The following INSR variants were observed in gnomAD, a reference collection of about 807,000 sequenced individuals.
INSR encodes the protein IR.
Under a neutral mutation model 142.6 loss-of-function variants are expected in INSR, and 67 were observed. The ratio of observed to expected loss-of-function variants is 0.47; its 90% CI spans 0.39 to 0.58. INSR has a LOEUF of 0.58. Among genes scored for constraint, INSR ranks in the 20% least tolerant of loss-of-function variants. The pLI, the probability that INSR is intolerant of heterozygous loss-of-function variation, is 0.00. For synonymous variants in INSR, 756 were observed against 743.1 expected (o/e 1.02, Z -0.28); for missense variants, 1,248 against 1,833.2 (o/e 0.68, Z 5.83).
chr19:7,229,196 A>G lies in INSR; in HGVS notation c.652+38149T>C, dbSNP rs199563606. 3.2e-3 allele frequency among the ~76,000 whole-genome samples: 458 copies of G among 144,508 alleles called. 2 individuals are homozygous for G. Among genetic ancestry groups the G allele is most frequent in the Non-Finnish European group, 4.4e-3 (290 of 66,416 alleles). The allele number at this position is 144,508 out of a possible 152,430, so 94.8% of individuals were successfully genotyped here. A position where few individuals can be genotyped will look rare whatever the true frequency, so the allele number is the denominator to read the frequency against. ...TGATGGATGAATGGGTGAGTGGATG[A>G]ATGGATGGATGGATGGATGGATAAT... On this transcript the variant is annotated intron_variant, in intron 2 of 21. Coordinates refer to ENST00000302850, the MANE Select transcript of INSR (RefSeq NM_000208.4).
chr19:7,150,457 G>A lies in INSR; in HGVS notation c.2267+40C>T. ...ATCTGCCTGGCACGCCGCCGGCCCT[G>A]CGCGGAGCAGGCACCAGGGGTCGCA... On this transcript the variant is annotated intron_variant, in intron 11 of 21. Coordinates refer to ENST00000302850, the MANE Select transcript of INSR (RefSeq NM_000208.4). The surrounding 1 kb of genome is among the most constrained non-coding windows in gnomAD (Gnocchi z 4.2). 1 of 1,607,230 alleles carries A rather than the reference G, an allele frequency of 6.2e-7. No homozygotes were observed. Among genetic ancestry groups the A allele is most frequent in the Non-Finnish European group, 8.5e-7 (1 of 1,174,086 alleles).
intron 2 of INSR, among the ~76,000 whole-genome samples, chr19:7,244,272 C>G (rs916154361): frequency 6.6e-6 from 1 of 152,200 alleles, no homozygotes; most frequent in Admixed American, 6.6e-5. Flanking sequence ...GTGGCTCATG[C>G]CTGTCATCCC....
chr19:7,239,301 C>CA (rs1555685271), intron 2 of INSR, among the ~76,000 whole-genome samples: 1 of 151,602 alleles, frequency 6.6e-6, no homozygotes, highest in Non-Finnish European at 1.5e-5. Context: ...CCAGCCCCCC[C>CA]ACCCCAAAAC....
chr19:7,143,141 T>G, intron 11 of INSR, 51 bp from the exon 12 acceptor site: 2 of 1,596,222 alleles, frequency 1.3e-6, no homozygotes, highest in Non-Finnish European at 1.7e-6. Context: ...TCATTTTTTT[T>G]AAAAAAGTGA....
At chr19:7,141,427 C>T (rs552044537) in intron 13 of INSR, 2 of 534,478 alleles carry the variant, frequency 3.7e-6, no homozygotes, top group Non-Finnish European at 3.4e-6. Flanking sequence ...GGGAGGCAGA[C>T]ATCATTCAAC....
chr19:7,164,037 T>C lies in INSR; in HGVS notation c.1862-838A>G, dbSNP rs190555654. On this transcript the variant is annotated intron_variant, in intron 8 of 21. Transcript: ENST00000302850. ...TCTTGAACCTGGGCAGAGGTTGCAGTGAGCTGAGAATGCGCCATTGAACTC... is the reference window on the plus strand; with the variant it reads ...TCTTGAACCTGGGCAGAGGTTGCAGCGAGCTGAGAATGCGCCATTGAACTC... 7.6e-3 allele frequency among the ~76,000 whole-genome samples: 988 copies of C among 129,556 alleles called. 9 individuals carry two copies. The highest frequency in any genetic ancestry group is 0.025 in the Middle Eastern group (5 of 204). The allele number at this position is 129,556 out of a possible 152,430, so 85.0% of individuals were successfully genotyped here. A position where few individuals can be genotyped will look rare whatever the true frequency, so the allele number is the denominator to read the frequency against.
chr19:7,288,950 G>GAAAAAAAAAA (rs34590794), intron 1 of INSR, among the ~76,000 whole-genome samples: 1 of 88,692 alleles, frequency 1.1e-5, no homozygotes. Flanking sequence ...GTGAAGAAGT[G>GAAAAAAAAAA]AAAAAAAAAA....
At position 7,152,836 on chromosome 19, in the gene INSR, G is replaced by A. The variant is rs753257847; in HGVS notation, c.2121C>T (p.Gly707=). 6 of 1,613,400 alleles carry A rather than the reference G, an allele frequency of 3.7e-6. No homozygotes were observed. In the Admixed American group the frequency reaches 6.7e-5, roughly 18 times the overall value. ...HNQSEYEDSA[G]ECCSCPKTDS... is the part of the protein sequence containing the mutation. ...CTGTCTTTGGACAGGAGCAGCATTC[G>A]CCGGCCGAATCCTCATACTCACTCT... is the stretch of plus-strand genomic sequence containing the variant. Residue 707 remains glycine (G), a synonymous_variant, in exon 10 of 22, where the codon GGC becomes GGT. Transcript: ENST00000302850.
chr19:7,290,676 G>A (rs563640988), intron 1 of INSR, among the ~76,000 whole-genome samples: 365 of 151,988 alleles, frequency 2.4e-3, no homozygotes, highest in African/African-American at 8.4e-3. Flanking sequence ...AGGAGGCTGA[G>A]GCAGGAGATG....
chr19:7,151,461 T>C (rs993952804), intron 10 of INSR, among the ~76,000 whole-genome samples: 2 of 150,220 alleles, frequency 1.3e-5, no homozygotes, highest in Non-Finnish European at 3.0e-5. Context: ...TTTTTTTTCC[T>C]TTTTTAGTAG....
chr19:7,171,595 C>G (rs181541496), intron 5 of INSR, among the ~76,000 whole-genome samples: 21 of 152,154 alleles, frequency 1.4e-4, no homozygotes, highest in Admixed American at 1.4e-3. Flanking sequence ...TGGAGTCCAT[C>G]CCAGAAATTA....
At chr19:7,230,484 AG>A in intron 2 of INSR, among the ~76,000 whole-genome samples, 1 of 152,298 alleles carries the variant, frequency 6.6e-6, no homozygotes, top group Middle Eastern at 3.4e-3. Context: ...CCAAGTGTCT[AG>A]CTCATAGCAT....
chr19:7,166,996 G>A lies in INSR; in HGVS notation c.1611-592C>T, dbSNP rs1973904241. Among the ~76,000 whole-genome samples, 1 of 152,142 alleles carries A rather than the reference G, an allele frequency of 6.6e-6. No homozygotes were observed. Among genetic ancestry groups the A allele is most frequent in the African/African-American group, 2.4e-5 (1 of 41,444 alleles). On this transcript the variant is annotated intron_variant, in intron 7 of 21. Coordinates refer to ENST00000302850, the MANE Select transcript of INSR (RefSeq NM_000208.4). The surrounding 1 kb of genome is among the most constrained non-coding windows in gnomAD (Gnocchi z 4.1). ...TGGATTTTGGATATTTTGGGGTTTT[G>A]AAATATTTGCATTTTACTAGTTAAT...
At chr19:7,286,337 C>T (rs2145248374) in intron 1 of INSR, among the ~76,000 whole-genome samples, 1 of 152,134 alleles carries the variant, frequency 6.6e-6, no homozygotes, top group South Asian at 2.1e-4. Flanking sequence ...CAGTTACCTC[C>T]CTGGACATGA....
At chr19:7,121,783 A>C (rs892709909) in intron 19 of INSR, among the ~76,000 whole-genome samples, 2 of 152,230 alleles carry the variant, frequency 1.3e-5, no homozygotes, top group African/African-American at 4.8e-5. Context: ...CTTTTAAAGA[A>C]GTGAATGGGT....
At position 7,210,359 on chromosome 19, in the gene INSR, G is replaced by C. The variant is rs1227215115; in HGVS notation, c.653-25722C>G. 1.7e-4 allele frequency among the ~76,000 whole-genome samples: 19 copies of C among 112,414 alleles called. 1 individual carries two copies. Among genetic ancestry groups the C allele is most frequent in the Admixed American group, 1.3e-3 (14 of 11,010 alleles). The allele number at this position is 112,414 out of a possible 152,430, so 73.7% of individuals were successfully genotyped here. A position where few individuals can be genotyped will look rare whatever the true frequency, so the allele number is the denominator to read the frequency against. ...CTGTCTCAAAAAAAAAAAAAAAAAA[G>C]TAAACAAGAGTGTCTCCTCTCCATA... On this transcript the variant is annotated intron_variant, in intron 2 of 21. Coordinates refer to ENST00000302850, the MANE Select transcript of INSR (RefSeq NM_000208.4).
At chr19:7,136,081 G>A (rs79909390) in intron 13 of INSR, among the ~76,000 whole-genome samples, 1,600 of 152,080 alleles carry the variant, frequency 0.011, 20 homozygotes, top group Non-Finnish European at 0.016. Flanking sequence ...CATCCTCACC[G>A]ACACTTGTTA....
intron 2 of INSR, among the ~76,000 whole-genome samples, chr19:7,217,074 C>T (rs911984278): frequency 1.3e-5 from 2 of 149,582 alleles, no homozygotes; most frequent in African/African-American, 2.5e-5. Flanking sequence ...CTCAAGAAAT[C>T]GTCCCACCTT....
intron 1 of INSR, among the ~76,000 whole-genome samples, chr19:7,271,417 T>C (rs549637070): frequency 6.6e-6 from 1 of 151,790 alleles, no homozygotes; most frequent in South Asian, 2.1e-4. Context: ...GGAGAATCAC[T>C]TGAACCTGGG....
Sources: gnomAD v4.1 joint callset for allele counts (sites outside exome capture counted in the v4.1 genomes callset) on GRCh38, gnomAD v4.1.1 for gene constraint, Gnocchi (gnomAD v3.1) non-coding constraint, MANE v1.5 for transcripts, NCBI Gene and HGNC (gene_info 2026-07-23, HGNC 2026-07-21) for gene names.